The following OLFML2A variants were observed in gnomAD, a reference collection of about 807,000 sequenced individuals.
OLFML2A encodes olfactomedin-like protein 2A.
OLFML2A carries 47 observed loss-of-function variants against 60.9 expected under a neutral mutation model. The observed-to-expected ratio is 0.77, with a 90% CI of 0.61 to 0.98. The LOEUF is 0.98. Among genes scored for constraint, OLFML2A ranks in the 50% least tolerant of loss-of-function variants. The pLI is 0.00. For synonymous variants in OLFML2A, 372 were observed against 375.0 expected (o/e 0.99, Z 0.09); for missense variants, 922 against 879.8 (o/e 1.05, Z -0.61).
chr9:124,777,861 C>G lies in OLFML2A; in HGVS notation c.90+501C>G, dbSNP rs148481121. Among the ~76,000 whole-genome samples, 7 of 152,306 alleles carry G rather than the reference C, an allele frequency of 4.6e-5. No homozygotes were observed. Among genetic ancestry groups the G allele is most frequent in the African/African-American group, 1.2e-4 (5 of 41,574 alleles). ...GCACCCCCTGGAGGACTAGGTAGCTCCAGAAGTGGTCTGAGCTGTTCTCTG... is the reference window on the plus strand; with the variant it reads ...GCACCCCCTGGAGGACTAGGTAGCTGCAGAAGTGGTCTGAGCTGTTCTCTG... On this transcript the variant is annotated intron_variant, in intron 1 of 7. Coordinates refer to ENST00000373580, the MANE Select transcript of OLFML2A (RefSeq NM_182487.4). The surrounding 1 kb of genome is among the most constrained non-coding windows in gnomAD (Gnocchi z 6.2).
chr9:124,803,223 G>A (rs947037647), intron 5 of OLFML2A, among the ~76,000 whole-genome samples: 5 of 152,008 alleles, frequency 3.3e-5, no homozygotes, highest in African/African-American at 1.2e-4. Context: ...TCACAAAAGT[G>A]TAAAAGTGTT....
intron 1 of OLFML2A, among the ~76,000 whole-genome samples, chr9:124,781,957 C>T (rs1841367895): frequency 6.6e-6 from 1 of 152,210 alleles, no homozygotes; most frequent in Non-Finnish European, 1.5e-5. Flanking sequence ...ACCTGAGTAC[C>T]TTTTTAAGCA....
At chr9:124,787,677 A>G (rs1254242932) in intron 2 of OLFML2A, among the ~76,000 whole-genome samples, 1 of 150,694 alleles carries the variant, frequency 6.6e-6, no homozygotes, top group Non-Finnish European at 1.5e-5. Context: ...TCCTGCCTCA[A>G]CCTCCTGAGT....
intron 2 of OLFML2A, among the ~76,000 whole-genome samples, chr9:124,793,851 T>C (rs1356855713): frequency 6.6e-6 from 1 of 152,104 alleles, no homozygotes; most frequent in Non-Finnish European, 1.5e-5. Flanking sequence ...CCAGCTGGAA[T>C]AACGTAGTAA....
intron 2 of OLFML2A, among the ~76,000 whole-genome samples, chr9:124,791,194 G>C (rs1841563416): frequency 6.6e-6 from 1 of 152,206 alleles, no homozygotes; most frequent in African/African-American, 2.4e-5. Context: ...TAGAAGGATA[G>C]AGCTGGGCCT....
Position 124,779,318 on chromosome 9 carries a change from A to C in OLFML2A, c.90+1958A>C, listed in dbSNP as rs1213581578. 6.6e-6 allele frequency among the ~76,000 whole-genome samples: 1 copy of C among 152,180 alleles called. No homozygotes were observed. The highest frequency in any genetic ancestry group is 1.5e-5 in the Non-Finnish European group (1 of 68,036). On this transcript the variant is annotated intron_variant, in intron 1 of 7. Transcript: ENST00000373580. The surrounding 1 kb of genome is among the most constrained non-coding windows in gnomAD (Gnocchi z 4.1). ...CCTCTGGGATTCCCTGATCTGGCTC[A>C]GGTATGATGACAAGTGAGTAGAAAA... is the stretch of plus-strand genomic sequence containing the variant.
Position 124,779,817 on chromosome 9 carries a change from G to A in OLFML2A, c.90+2457G>A, listed in dbSNP as rs576196097. 2.0e-5 allele frequency among the ~76,000 whole-genome samples: 3 copies of A among 152,268 alleles called. No homozygotes were observed. The highest frequency in any genetic ancestry group is 2.1e-4 in the South Asian group (1 of 4,816). ...TCGCTCCTTCCCCCATCACAACCCC[G>A]CCTTCCTCTCCAAGCCCATTCCGTT... On this transcript the variant is annotated intron_variant, in intron 1 of 7. Transcript: ENST00000373580. This position sits in a 1 kb window ranked among gnomAD's most constrained non-coding sequence, Gnocchi z 4.1.
intron 4 of OLFML2A, 195 bp from the exon 5 acceptor site, chr9:124,801,219 T>G: frequency 1.2e-6 from 1 of 861,444 alleles, no homozygotes; most frequent in Non-Finnish European, 1.8e-6. Context: ...AAGAGCTGGG[T>G]GAGGAAACTG....
chr9:124,795,109 C>T lies in OLFML2A; in HGVS notation c.440C>T (p.Ser147Phe), dbSNP rs1271875975. 1.2e-6 allele frequency: 2 copies of T among 1,601,554 alleles called. No individual in the cohort carries two copies. Among genetic ancestry groups the T allele is most frequent in the South Asian group, 2.2e-5 (2 of 89,344 alleles). The change falls in exon 3 of 8, where the codon TCC becomes TTC. Residue 147 changes from serine to phenylalanine, a missense_variant. By Grantham distance (155) the Ser-to-Phe change is radical. Transcript: ENST00000373580. Reference protein sequence around the residue: ...KVHAYVHKVASQMNTLEESIK... With the variant: ...KVHAYVHKVAFQMNTLEESIK... ...CACGCCTACGTCCACAAGGTGGCCT[C>T]CCAGATGAACACACTGGAAGAGGTA...
At position 124,807,858 on chromosome 9, in the gene OLFML2A, G is replaced by A. The variant is rs763955338; in HGVS notation, c.1246G>A (p.Gly416Arg). Residue 416 changes from glycine to arginine, a missense_variant, in exon 7 of 8, where the codon GGA becomes AGA. Gly to Arg is a moderately radical substitution (Grantham distance 125). Transcript: ENST00000373580. ...VRHHSYGRHE[G>R]AWMKDPAARD... The stretch of plus-strand genomic sequence containing the variant: ...GCACCACAGCTATGGGCGCCACGAG[G>A]GAGCCTGGATGAAGGACCCTGCAGC... 66 of 1,614,098 alleles carry A rather than the reference G, an allele frequency of 4.1e-5. No homozygotes were observed. The Middle Eastern group carries it at 8.2e-4, about 20-fold the overall frequency.
At position 124,777,217 on chromosome 9, in the gene OLFML2A, C is replaced by A; in HGVS notation, c.-54C>A. ...AAGGCGCGGAGCTCGCAGTGCAGCC[C>A]GCGCTTCCCAGCGTCCGTGCCCGGC... On this transcript the variant is annotated 5_prime_UTR_variant, in exon 1 of 8. Transcript: ENST00000373580. The surrounding 1 kb of genome is among the most constrained non-coding windows in gnomAD (Gnocchi z 6.2). 1.5e-6 allele frequency: 1 copy of A among 689,008 alleles called. No homozygotes were observed. Among genetic ancestry groups the A allele is most frequent in the Non-Finnish European group, 2.0e-6 (1 of 499,922 alleles). 42.7% of individuals were successfully genotyped at this position (689,008 alleles called of 1,614,324 possible). A position where few individuals can be genotyped will look rare whatever the true frequency, so the allele number is the denominator to read the frequency against.
chr9:124,808,101 C>A, intron 7 of OLFML2A, 135 bp downstream of exon 7: 1 of 681,718 alleles, frequency 1.5e-6, no homozygotes, highest in Non-Finnish European at 2.5e-6. Context: ...TTAGCCACCC[C>A]AAGGAGGGGG....
At chr9:124,787,956 A>G (rs546714575) in intron 2 of OLFML2A, among the ~76,000 whole-genome samples, 26 of 152,104 alleles carry the variant, frequency 1.7e-4, no homozygotes, top group African/African-American at 6.3e-4. Flanking sequence ...AACTTGCCCA[A>G]CCTCACATAA....
intron 2 of OLFML2A, among the ~76,000 whole-genome samples, chr9:124,793,459 G>A (rs1194251899): frequency 6.6e-5 from 10 of 152,168 alleles, no homozygotes; most frequent in Admixed American, 4.6e-4. Context: ...GTCTGACCAT[G>A]ACACAGGAGC....
rs1842015312 is a variant in OLFML2A, at chr9:124,811,213, C to T, written c.*801C>T. 6.5e-6 allele frequency: 1 copy of T among 152,746 alleles called. No individual in the cohort carries two copies. Among genetic ancestry groups the T allele is most frequent in the Non-Finnish European group, 1.5e-5 (1 of 68,100 alleles). The allele number at this position is 152,746 out of a possible 1,614,324, so 9.5% of individuals were successfully genotyped here. A position where few individuals can be genotyped will look rare whatever the true frequency, so the allele number is the denominator to read the frequency against. On this transcript the variant is annotated 3_prime_UTR_variant, in exon 8 of 8. Transcript: ENST00000373580. ...GTGCCGTCATTTGTTTCTGCAGCAG[C>T]AGCTGAGAAGGCAGCCGGCAGCTCT...
At chr9:124,784,306 C>T (rs1189853833) in intron 1 of OLFML2A, among the ~76,000 whole-genome samples, 2 of 151,814 alleles carry the variant, frequency 1.3e-5, no homozygotes, top group Non-Finnish European at 2.9e-5. Flanking sequence ...CGGGTTCAAG[C>T]GATTCTCCTG....
At chr9:124,794,615 A>T (rs1841630211) in intron 2 of OLFML2A, among the ~76,000 whole-genome samples, 1 of 151,798 alleles carries the variant, frequency 6.6e-6, no homozygotes, top group African/African-American at 2.4e-5. Context: ...TTTTAATTTT[A>T]ATTATTATTA....
Position 124,810,104 on chromosome 9 carries a change from A to T in OLFML2A, c.1651A>T (p.Ser551Cys). The T allele has an allele frequency of 1.2e-6, 2 of 1,613,780 alleles. No individual in the cohort carries two copies. The highest frequency in any genetic ancestry group is 8.5e-7 in the Non-Finnish European group (1 of 1,179,990). The change falls in exon 8 of 8, where the codon AGT becomes TGT. Residue 551 changes from serine (S) to cysteine (C), a missense_variant. Coordinates refer to ENST00000373580, the MANE Select transcript of OLFML2A (RefSeq NM_182487.4). ...GGCCCAGCCCGAGGTGATCGTCCTGAGTCGCTTGGACCCCGGCGATCTCTC... is the reference window on the plus strand; with the variant it reads ...GGCCCAGCCCGAGGTGATCGTCCTGTGTCGCTTGGACCCCGGCGATCTCTC... ...DEAQPEVIVL[S>C]RLDPGDLSVH...
intron 3 of OLFML2A, among the ~76,000 whole-genome samples, chr9:124,798,375 G>A (rs1024518997): frequency 1.3e-5 from 2 of 151,980 alleles, no homozygotes; most frequent in South Asian, 2.1e-4. Flanking sequence ...GGAGGCACGC[G>A]CCTGTAGTCA....
Sources: allele counts gnomAD v4.1 joint callset (sites outside exome capture counted in the v4.1 genomes callset), GRCh38; gene constraint gnomAD v4.1.1; non-coding constraint Gnocchi (gnomAD v3.1); transcripts MANE v1.5; gene names NCBI Gene and HGNC (gene_info 2026-07-23, HGNC 2026-07-21).